The following PTPRK variants were observed in gnomAD, a reference collection of about 807,000 sequenced individuals.
PTPRK encodes protein tyrosine phosphatase receptor type K, also known as receptor-type tyrosine-protein phosphatase kappa.
A neutral mutation model predicts 178.0 loss-of-function variants in PTPRK; 75 were observed. The observed-to-expected ratio is 0.42, with a 90% confidence interval of 0.35 to 0.51. PTPRK has a LOEUF of 0.51. Among genes scored for constraint, PTPRK ranks in the 20% least tolerant of loss-of-function variants. PTPRK has a pLI of 0.02. For missense variants in PTPRK, 1,441 were observed against 1,797.8 expected (o/e 0.80, Z 3.59); for synonymous variants, 637 against 620.6 (o/e 1.03, Z -0.39).
At chr6:128,424,398 C>G (rs867405181) in intron 1 of PTPRK, among the ~76,000 whole-genome samples, 22 of 152,230 alleles carry the variant, frequency 1.4e-4, no homozygotes, top group African/African-American at 4.8e-4. Context: ...AAGGCTGAAG[C>G]CCACATCTCT....
chr6:128,348,115 AAG>A (rs746919337), intron 2 of PTPRK, among the ~76,000 whole-genome samples: 24 of 152,212 alleles, frequency 1.6e-4, no homozygotes, highest in Admixed American at 1.0e-3. Flanking sequence ...AAAAATATTC[AAG>A]AGTCATTATA....
intron 18 of PTPRK, chr6:127,995,175 C>T (rs534200686): frequency 6.6e-6 from 9 of 1,368,976 alleles, no homozygotes; most frequent in Admixed American, 3.9e-5. Flanking sequence ...AGTAACAGAG[C>T]GTTAGTAATA....
chr6:128,053,152 AC>A (rs1779319207), intron 13 of PTPRK, among the ~76,000 whole-genome samples: 1 of 590 alleles, frequency 1.7e-3, no homozygotes, highest in Non-Finnish European at 5.7e-3. Context: ...TGTATGGAAC[AC>A]ACACACACAC....
intron 2 of PTPRK, among the ~76,000 whole-genome samples, chr6:128,342,294 A>G (rs1305359908): frequency 1.3e-5 from 2 of 152,106 alleles, no homozygotes; most frequent in East Asian, 1.9e-4. Context: ...AATAGATCCT[A>G]GGTTTCAGCA....
chr6:128,086,352 A>C (rs1024850094), intron 8 of PTPRK, among the ~76,000 whole-genome samples: 1 of 151,548 alleles, frequency 6.6e-6, no homozygotes, highest in Non-Finnish European at 1.5e-5. Context: ...AGCTAACTTT[A>C]TAATATTGAT....
At chr6:128,138,531 C>T (rs1259574282) in intron 7 of PTPRK, among the ~76,000 whole-genome samples, 2 of 152,042 alleles carry the variant, frequency 1.3e-5, no homozygotes, top group Non-Finnish European at 2.9e-5. Context: ...TCTAAACCTT[C>T]CTCTGAAAGT....
At chr6:128,470,518 T>C (rs752733825) in intron 1 of PTPRK, among the ~76,000 whole-genome samples, 3 of 152,082 alleles carry the variant, frequency 2.0e-5, no homozygotes, top group Admixed American at 6.6e-5. Flanking sequence ...TCTGCTTTAC[T>C]ATAGCACTAC....
chr6:128,048,202 CA>C (rs1035336989), intron 13 of PTPRK, among the ~76,000 whole-genome samples: 20 of 152,156 alleles, frequency 1.3e-4, no homozygotes, highest in Non-Finnish European at 1.9e-4. Flanking sequence ...CCAGCAGTGT[CA>C]GGGGTAAACT....
chr6:128,317,058 C>G (rs1264776467), intron 3 of PTPRK, among the ~76,000 whole-genome samples: 4 of 152,030 alleles, frequency 2.6e-5, no homozygotes, highest in African/African-American at 7.2e-5. Context: ...TAAAAATAAG[C>G]CACGATGACC....
At chr6:128,101,895 T>A (rs971708825) in intron 7 of PTPRK, among the ~76,000 whole-genome samples, 1 of 152,182 alleles carries the variant, frequency 6.6e-6, no homozygotes, top group Non-Finnish European at 1.5e-5. Context: ...CAATGTAGAG[T>A]TGGAATATAC....
intron 6 of PTPRK, among the ~76,000 whole-genome samples, chr6:128,212,752 A>G (rs1344753910): frequency 1.3e-5 from 2 of 152,042 alleles, no homozygotes; most frequent in Admixed American, 1.3e-4. Flanking sequence ...CACTCAACAC[A>G]CAAATTGCCT....
chr6:128,519,234 A>T lies in PTPRK; in HGVS notation c.100+1025T>A. ...CCCAGCGTCCACCTGGTGAAACTTC[A>T]GAGCCCCCAGAGGAGAGAACGAAAG... On this transcript the variant is annotated intron_variant, in intron 1 of 29. Coordinates refer to ENST00000368226, the MANE Select transcript of PTPRK (RefSeq NM_002844.4). The surrounding 1 kb of genome is among the most constrained non-coding windows in gnomAD (Gnocchi z 4.3). The T allele has an allele frequency of 2.3e-6, 1 of 425,710 alleles. No homozygotes were observed. The highest frequency in any genetic ancestry group is 4.7e-6 in the Non-Finnish European group (1 of 212,194). 26.4% of individuals were successfully genotyped at this position (425,710 alleles called of 1,614,324 possible).
At chr6:128,153,963 C>A (rs1262358141) in intron 7 of PTPRK, among the ~76,000 whole-genome samples, 1 of 151,644 alleles carries the variant, frequency 6.6e-6, no homozygotes, top group Admixed American at 6.6e-5. Context: ...AAGTAAAACT[C>A]CACAAATACT....
At chr6:128,175,257 A>G (rs1296674575) in intron 7 of PTPRK, among the ~76,000 whole-genome samples, 3 of 151,898 alleles carry the variant, frequency 2.0e-5, no homozygotes, top group Non-Finnish European at 4.4e-5. Context: ...GTTGGACTTG[A>G]TTAATTATAA....
intron 5 of PTPRK, among the ~76,000 whole-genome samples, chr6:128,225,150 G>A (rs1156467827): frequency 4.6e-5 from 7 of 151,964 alleles, no homozygotes; most frequent in East Asian, 1.9e-4. Flanking sequence ...AATACATGTC[G>A]AGATTATTTC....
intron 2 of PTPRK, among the ~76,000 whole-genome samples, chr6:128,375,750 A>G (rs1028304748): frequency 1.3e-5 from 2 of 152,156 alleles, no homozygotes; most frequent in African/African-American, 2.4e-5. Flanking sequence ...AATCAAAAGC[A>G]AGTTAGTTAC....
intron 3 of PTPRK, among the ~76,000 whole-genome samples, chr6:128,277,553 C>T (rs1820921549): frequency 6.6e-6 from 1 of 152,134 alleles, no homozygotes; most frequent in Non-Finnish European, 1.5e-5. Context: ...GACCCTGACT[C>T]TCGAAACAGT....
intron 13 of PTPRK, among the ~76,000 whole-genome samples, chr6:128,014,200 A>G (rs1382181900): frequency 6.6e-6 from 1 of 151,646 alleles, no homozygotes; most frequent in African/African-American, 2.4e-5. Flanking sequence ...TTAACATAAG[A>G]TGAACTTGAT....
intron 1 of PTPRK, among the ~76,000 whole-genome samples, chr6:128,482,208 G>A (rs929233378): frequency 2.0e-5 from 3 of 152,142 alleles, no homozygotes; most frequent in African/African-American, 7.2e-5. Flanking sequence ...GATCTTTTAA[G>A]ACGTGAAGTA....
Sources: gnomAD v4.1 joint callset for allele counts (sites outside exome capture counted in the v4.1 genomes callset) on GRCh38, gnomAD v4.1.1 for gene constraint, Gnocchi (gnomAD v3.1) non-coding constraint, MANE v1.5 for transcripts, NCBI Gene and HGNC (gene_info 2026-07-23, HGNC 2026-07-21) for gene names.